Variants in PCDHA2 observed in about 807,000 individuals in gnomAD.
PCDHA2 encodes protocadherin alpha 2.
A neutral mutation model predicts 66.0 loss-of-function variants in PCDHA2; 58 were observed. That is an observed-to-expected ratio of 0.88 (90% CI 0.71 to 1.09). The LOEUF (loss-of-function observed/expected upper bound fraction) is 1.09, where lower values mean the gene tolerates loss of function less well. Among genes scored for constraint, PCDHA2 ranks in the 50% least tolerant of loss-of-function variants. PCDHA2 has a pLI of 0.00. For synonymous variants in PCDHA2, 634 were observed against 554.0 expected (o/e 1.14, Z -2.03); for missense variants, 1,267 against 1,242.3 (o/e 1.02, Z -0.30).
chr5:140,868,989 C>A (rs1280457697), intron 1 of PCDHA2: 91 of 1,506,736 alleles, frequency 6.0e-5, no homozygotes, highest in Non-Finnish European at 7.5e-5. Context: ...CGGATGCCAC[C>A]GTTTAAGGAT....
intron 1 of PCDHA2, chr5:140,823,209 A>G (rs201089803): frequency 1.5e-5 from 25 of 1,613,654 alleles, no homozygotes; most frequent in South Asian, 2.2e-5. Context: ...CGGTGTCTGC[A>G]CGGGACGCGG....
intron 1 of PCDHA2, 164 bp downstream of exon 1, chr5:140,797,516 C>A (rs538802873): frequency 2.4e-6 from 2 of 845,026 alleles, no homozygotes; most frequent in Non-Finnish European, 3.7e-6. Flanking sequence ...ATTTACTGAA[C>A]AATTTATTTA....
intron 1 of PCDHA2, chr5:140,864,553 T>C (rs575186227): frequency 3.0e-4 from 45 of 152,314 alleles, no homozygotes; most frequent in African/African-American, 1.1e-3. Context: ...TTCTTATAAT[T>C]TCATTTTAGG....
rs2150369149 is a variant in PCDHA2 at position 140,844,155 on chromosome 5, T to C, written c.2388+46803T>C. On this transcript the variant is annotated intron_variant, in intron 1 of 3. Transcript: ENST00000526136. ...AATATGTTGTCTTTATATTTACTTTTATTCACTTTAAGATCTCGGTTTATT... is the reference window on the plus strand; with the variant it reads ...AATATGTTGTCTTTATATTTACTTTCATTCACTTTAAGATCTCGGTTTATT... 1.3e-4 allele frequency among the ~76,000 whole-genome samples: 20 copies of C among 149,790 alleles called. 2 individuals carry two copies. The highest frequency in any genetic ancestry group is 6.7e-4 in the Admixed American group (10 of 14,966).
chr5:140,871,290 C>A (rs1554165387), intron 1 of PCDHA2: 2 of 1,613,900 alleles, frequency 1.2e-6, no homozygotes, highest in Non-Finnish European at 1.7e-6. Context: ...CCACTGAGGG[C>A]GCGTGCGCGC....
rs2042132176 is a variant in PCDHA2, at chr5:140,851,700, G to A, written c.2388+54348G>A. On this transcript the variant is annotated intron_variant, in intron 1 of 3. Transcript: ENST00000526136. ...TCTCCATTCAGTGATAAAATGATCA[G>A]CCATGTGAAGATTCGAAACTTCGAG... 4.2e-6 allele frequency: 4 copies of A among 943,922 alleles called. 1 individual carries two copies. Among genetic ancestry groups the A allele is most frequent in the Admixed American group, 1.3e-4 (2 of 15,858 alleles). The allele number at this position is 943,922 out of a possible 1,614,324, so 58.5% of individuals were successfully genotyped here. A position where few individuals can be genotyped will look rare whatever the true frequency, so the allele number is the denominator to read the frequency against.
chr5:140,890,096 C>T (rs967857035), intron 1 of PCDHA2, among the ~76,000 whole-genome samples: 1 of 152,124 alleles, frequency 6.6e-6, no homozygotes, highest in Non-Finnish European at 1.5e-5. Flanking sequence ...AAATTTATTC[C>T]CAACTCTGGA....
intron 1 of PCDHA2, chr5:140,969,002 T>C (rs201544118): frequency 8.1e-6 from 13 of 1,614,214 alleles, no homozygotes; most frequent in Non-Finnish European, 1.1e-5. Context: ...TGGAGGCTTC[T>C]GTGGAGTAAG....
intron 3 of PCDHA2, among the ~76,000 whole-genome samples, chr5:141,000,412 TA>T (rs2097919630): frequency 4.9e-5 from 5 of 102,770 alleles, no homozygotes; most frequent in Non-Finnish European, 5.8e-5. Context: ...TATATATATA[TA>T]TATATATATT....
chr5:140,809,351 C>T (rs1764438063), intron 1 of PCDHA2: 1 of 1,613,898 alleles, frequency 6.2e-7, no homozygotes, highest in Non-Finnish European at 8.5e-7. Flanking sequence ...CACCGCGCTG[C>T]GGTGCTCTGC....
chr5:140,924,472 G>A (rs938412564), intron 1 of PCDHA2, among the ~76,000 whole-genome samples: 1 of 152,188 alleles, frequency 6.6e-6, no homozygotes, highest in African/African-American at 2.4e-5. Flanking sequence ...GAGGTAACTG[G>A]TTTTTAGTGG....
chr5:140,833,598 C>T (rs1772539166), intron 1 of PCDHA2, among the ~76,000 whole-genome samples: 1 of 152,154 alleles, frequency 6.6e-6, no homozygotes, highest in African/African-American at 2.4e-5. Context: ...TATATAGATT[C>T]TGCTAAAGCA....
chr5:140,966,599 C>T, intron 1 of PCDHA2: 1 of 631,096 alleles, frequency 1.6e-6, no homozygotes, highest in Non-Finnish European at 2.4e-6. Context: ...GGCCAGGAGC[C>T]CTTGGGAGGG....
At chr5:140,842,832 T>C in intron 1 of PCDHA2, 2 of 1,593,838 alleles carry the variant, frequency 1.3e-6, no homozygotes, top group East Asian at 2.2e-5. Flanking sequence ...GAGCGCTCGC[T>C]GTCGAGCTAC....
chr5:140,837,977 C>A (rs1377931639), intron 1 of PCDHA2, among the ~76,000 whole-genome samples: 4 of 151,682 alleles, frequency 2.6e-5, no homozygotes, highest in African/African-American at 4.9e-5. Flanking sequence ...CCACACCCAG[C>A]CTGCCTTTCA....
Position 140,850,357 on chromosome 5 carries a change from C to T in PCDHA2, c.2388+53005C>T, listed in dbSNP as rs146638035. On this transcript the variant is annotated intron_variant, in intron 1 of 3. Coordinates refer to ENST00000526136, the MANE Select transcript of PCDHA2 (RefSeq NM_018905.3). ...CCAGAAACGGCCAGCGCGAGCATCC[C>T]GTTCCGCGTGGGGCTGTACACGGGC... 66 of 1,597,856 alleles carry T rather than the reference C, an allele frequency of 4.1e-5. 3 individuals carry two copies. The African/African-American group carries it at 6.2e-4, about 15-fold the overall frequency.
chr5:140,960,727 CA>C (rs2095565377), intron 1 of PCDHA2, among the ~76,000 whole-genome samples: 3 of 30,176 alleles, frequency 9.9e-5, no homozygotes, highest in Non-Finnish European at 1.9e-4. Context: ...TATTTTAGTC[CA>C]TGATTTTAGT....
intron 1 of PCDHA2, chr5:140,883,404 C>A: frequency 6.2e-7 from 1 of 1,614,222 alleles, no homozygotes; most frequent in Non-Finnish European, 8.5e-7. Context: ...GATCGTGACT[C>A]TGGCTCAAAT....
At chr5:140,869,666 A>G (rs2051321419) in intron 1 of PCDHA2, 1 of 1,613,524 alleles carries the variant, frequency 6.2e-7, no homozygotes, top group East Asian at 2.2e-5. Context: ...AATGGTAAGC[A>G]GATTAAAAGA....
Sources: allele counts gnomAD v4.1 joint callset (sites outside exome capture counted in the v4.1 genomes callset), GRCh38; gene constraint gnomAD v4.1.1; transcripts MANE v1.5; gene names NCBI Gene and HGNC (gene_info 2026-07-23, HGNC 2026-07-21).